TMTC2: variants seen among roughly 807,000 people sequenced by gnomAD.
TMTC2 encodes the protein protein O-mannosyl-transferase TMTC2.
A neutral mutation model predicts 82.4 loss-of-function variants in TMTC2; 43 were observed. The observed-to-expected ratio is 0.52, with a 90% CI of 0.41 to 0.67. The LOEUF (loss-of-function observed/expected upper bound fraction) is 0.67, where lower values mean the gene tolerates loss of function less well. Ranked by LOEUF, TMTC2 falls within the 30% of genes least tolerant of loss-of-function variation. The probability of loss-of-function intolerance (pLI) is 0.00; values close to 1 mark genes in which losing one functional copy is unlikely to be tolerated. For missense variants in TMTC2, 919 were observed against 1,012.4 expected (o/e 0.91, Z 1.25); for synonymous variants, 408 against 381.9 (o/e 1.07, Z -0.80).
At position 82,704,390 on chromosome 12, in the gene TMTC2, AT is replaced by A. The variant is rs1249179209; in HGVS notation, c.83+16730del. On this transcript the variant is annotated intron_variant, in intron 1 of 11. Transcript: ENST00000321196. ...AAACATAAACTAGAACTCAGCCTGA[AT>A]TTTTTTTTAAACCATCTTTGGAAGC... is the stretch of plus-strand genomic sequence containing the variant. 7.3e-5 allele frequency among the ~76,000 whole-genome samples: 11 copies of A among 151,722 alleles called. No homozygotes were observed. The East Asian group carries it at 1.2e-3, about 16-fold the overall frequency.
chr12:83,089,984 T>A (rs769154), intron 11 of TMTC2, among the ~76,000 whole-genome samples: 11,077 of 152,302 alleles, frequency 0.073, 488 homozygotes, highest in East Asian at 0.22. Flanking sequence ...CTTGAGTCGT[T>A]ACAGCAGATA....
At chr12:82,993,606 C>T (rs1879491119) in intron 8 of TMTC2, among the ~76,000 whole-genome samples, 1 of 152,002 alleles carries the variant, frequency 6.6e-6, no homozygotes, top group African/African-American at 2.4e-5. Context: ...CAAACACAGG[C>T]TATTATTATA....
At chr12:83,043,071 A>G (rs35525855) in intron 9 of TMTC2, among the ~76,000 whole-genome samples, 1 of 152,242 alleles carries the variant, frequency 6.6e-6, no homozygotes, top group East Asian at 1.9e-4. Context: ...ACACAAAGCA[A>G]CAAAACGAAT....
intron 8 of TMTC2, among the ~76,000 whole-genome samples, chr12:83,006,601 G>A (rs2137378136): frequency 6.6e-6 from 1 of 152,270 alleles, no homozygotes; most frequent in Non-Finnish European, 1.5e-5. Flanking sequence ...CCATTACTGG[G>A]TATATAGCAA....
At chr12:83,121,264 C>A (rs1565895984) in intron 11 of TMTC2, among the ~76,000 whole-genome samples, 1 of 152,076 alleles carries the variant, frequency 6.6e-6, no homozygotes, top group South Asian at 2.1e-4. Context: ...TTTTCTGGTT[C>A]CTTCTCATTT....
intron 8 of TMTC2, among the ~76,000 whole-genome samples, chr12:83,002,806 A>G (rs1879986755): frequency 6.7e-6 from 1 of 148,908 alleles, no homozygotes; most frequent in Admixed American, 6.7e-5. Context: ...ATTTATTGAG[A>G]CTTGTGTATG....
intron 1 of TMTC2, among the ~76,000 whole-genome samples, chr12:82,729,923 A>G (rs978412746): frequency 4.1e-4 from 62 of 151,984 alleles, no homozygotes; most frequent in Non-Finnish European, 8.5e-4. Flanking sequence ...GGAGAAAGGA[A>G]CAACTCCAGA....
chr12:82,872,950 A>G (rs1235125158), intron 2 of TMTC2, among the ~76,000 whole-genome samples: 1 of 152,204 alleles, frequency 6.6e-6, no homozygotes, highest in Admixed American at 6.6e-5. Flanking sequence ...AAGACTTAGT[A>G]TTTCTGCAGG....
chr12:82,709,875 C>T (rs1873543280), intron 1 of TMTC2, among the ~76,000 whole-genome samples: 1 of 152,156 alleles, frequency 6.6e-6, no homozygotes, highest in Non-Finnish European at 1.5e-5. Context: ...AAAGAAGAAA[C>T]AATCAATTTA....
chr12:82,917,133 G>A (rs750679718), intron 3 of TMTC2, among the ~76,000 whole-genome samples: 28 of 151,950 alleles, frequency 1.8e-4, no homozygotes, highest in South Asian at 2.1e-4. Flanking sequence ...TGTTGACCCC[G>A]CCCCATAGTC....
At chr12:83,099,610 G>A (rs17010596) in intron 11 of TMTC2, among the ~76,000 whole-genome samples, 2,738 of 152,166 alleles carry the variant, frequency 0.018, 77 homozygotes, top group African/African-American at 0.063. Context: ...ATGCAAGGAT[G>A]TTTATGTCTC....
intron 3 of TMTC2, among the ~76,000 whole-genome samples, chr12:82,924,536 C>G (rs1414156558): frequency 6.6e-6 from 1 of 152,074 alleles, no homozygotes; most frequent in Admixed American, 6.6e-5. Context: ...TTGCAGGCAT[C>G]TAGGGCAATT....
intron 3 of TMTC2, among the ~76,000 whole-genome samples, chr12:82,919,442 T>G (rs1330337171): frequency 6.6e-6 from 1 of 152,168 alleles, no homozygotes; most frequent in East Asian, 1.9e-4. Context: ...CTTCTTATAA[T>G]GCAAAAATAC....
At chr12:83,101,921 A>C (rs1168144751) in intron 11 of TMTC2, among the ~76,000 whole-genome samples, 1 of 152,218 alleles carries the variant, frequency 6.6e-6, no homozygotes, top group Non-Finnish European at 1.5e-5. Context: ...ATTGCATGAG[A>C]ATAAAAATGA....
At chr12:83,121,012 T>C (rs1884929996) in intron 11 of TMTC2, among the ~76,000 whole-genome samples, 1 of 152,224 alleles carries the variant, frequency 6.6e-6, no homozygotes, top group Non-Finnish European at 1.5e-5. Context: ...GTTTTTATTG[T>C]TCTTTACTTA....
At position 83,015,475 on chromosome 12, in the gene TMTC2, A is replaced by C. The variant is rs537721329; in HGVS notation, c.2071-15323A>C. On this transcript the variant is annotated intron_variant, in intron 8 of 11. Coordinates refer to ENST00000321196, the MANE Select transcript of TMTC2 (RefSeq NM_152588.3). ...CTGCACAATGTGATGAAGAGCATTC[A>C]GGAGGTTGATGTTTAGCGAGTCCTG... is the stretch of plus-strand genomic sequence containing the variant. Among the ~76,000 whole-genome samples the C allele has an allele frequency of 1.3e-4, 20 of 152,330 alleles. No individual in the cohort carries two copies. The South Asian group carries it at 3.5e-3, about 27-fold the overall frequency.
At position 83,112,347 on chromosome 12, in the gene TMTC2, A is replaced by G. The variant is rs890863034; in HGVS notation, c.2332-19863A>G. Among the ~76,000 whole-genome samples the G allele has an allele frequency of 2.0e-5, 3 of 152,150 alleles. No individual in the cohort carries two copies. In the East Asian group the frequency reaches 5.8e-4, roughly 29 times the overall value. On this transcript the variant is annotated intron_variant, in intron 11 of 11. Coordinates refer to ENST00000321196, the MANE Select transcript of TMTC2 (RefSeq NM_152588.3). The stretch of plus-strand genomic sequence containing the variant: ...CATCTCTGCTGGAGGTTGCTGCTAC[A>G]AGAGAGCATGCTCATTTAGCATCCA...
At chr12:82,724,885 G>A (rs1267860848) in intron 1 of TMTC2, among the ~76,000 whole-genome samples, 1 of 152,210 alleles carries the variant, frequency 6.6e-6, no homozygotes, top group East Asian at 1.9e-4. Flanking sequence ...TTTTATGTTT[G>A]TACAATAAAC....
At chr12:82,889,450 A>G (rs548241857) in intron 2 of TMTC2, among the ~76,000 whole-genome samples, 7 of 152,206 alleles carry the variant, frequency 4.6e-5, no homozygotes, top group Non-Finnish European at 8.8e-5. Flanking sequence ...GGGGAGCCAC[A>G]CACAGATGGG....
Sources: allele counts gnomAD v4.1 joint callset (sites outside exome capture counted in the v4.1 genomes callset), GRCh38; gene constraint gnomAD v4.1.1; transcripts MANE v1.5; gene names NCBI Gene and HGNC (gene_info 2026-07-23, HGNC 2026-07-21).